Variants in KATNIP observed in about 807,000 individuals in gnomAD.
KATNIP encodes the protein katanin-interacting protein.
In KATNIP, 126 loss-of-function variants were observed where a neutral mutation model predicts 174.0. The observed-to-expected ratio is 0.72, with a 90% confidence interval of 0.63 to 0.84. KATNIP has a LOEUF of 0.84. Among genes scored for constraint, KATNIP ranks in the 40% least tolerant of loss-of-function variants. The pLI, the probability that KATNIP is intolerant of heterozygous loss-of-function variation, is 0.00. For missense variants in KATNIP, 1,958 were observed against 2,109.7 expected, an observed-to-expected ratio of 0.93 and a Z score of 1.41; for synonymous variants, 810 against 835.7, an observed-to-expected ratio of 0.97 and a Z score of 0.53.
At chr16:27,623,083 C>A (rs2076240843) in intron 3 of KATNIP, among the ~76,000 whole-genome samples, 1 of 152,140 alleles carries the variant, frequency 6.6e-6, no homozygotes, top group Admixed American at 6.5e-5. Context: ...CTGTCTTCAC[C>A]CTTCAAGACT....
In KATNIP at chr16:27,710,562, C is replaced by G. The variant is rs539167292; in HGVS notation, c.1605+1642C>G. Among the ~76,000 whole-genome samples, 10 of 152,240 alleles carry G rather than the reference C, an allele frequency of 6.6e-5. No homozygotes were observed. The South Asian group carries it at 2.1e-3, about 32-fold the overall frequency. ...GAGACCTGGGAAGATGTTGTTATTG[C>G]GTGATCATAGCTCACTGCAGCCTCA... On this transcript the variant is annotated intron_variant, in intron 13 of 27. Transcript: ENST00000261588.
intron 8 of KATNIP, among the ~76,000 whole-genome samples, chr16:27,696,106 T>C (rs1237239907): frequency 1.3e-5 from 2 of 152,226 alleles, no homozygotes; most frequent in Non-Finnish European, 2.9e-5. Flanking sequence ...AAAACCATCT[T>C]TCCATTCATG....
In KATNIP at chr16:27,550,169, G is replaced by C. The variant is rs112949559; in HGVS notation, c.-2G>C. 1.9e-6 allele frequency: 3 copies of C among 1,612,356 alleles called. No individual in the cohort carries two copies. Among genetic ancestry groups the C allele is most frequent in the Non-Finnish European group, 2.5e-6 (3 of 1,178,752 alleles). On this transcript the variant is annotated 5_prime_UTR_variant, in exon 1 of 28. Coordinates refer to ENST00000261588, the MANE Select transcript of KATNIP (RefSeq NM_015202.5). The stretch of plus-strand genomic sequence containing the variant: ...GAGCTCCCGGAACCGCCGCCTCTAG[G>C]GATGGACGGTGAGTGTCTGTGGGCC...
At chr16:27,583,105 G>A (rs1173967949) in intron 2 of KATNIP, among the ~76,000 whole-genome samples, 5 of 152,116 alleles carry the variant, frequency 3.3e-5, no homozygotes, top group African/African-American at 4.8e-5. Flanking sequence ...AGACTCCAGT[G>A]CCGAAAAGCA....
At chr16:27,748,676 CG>C (rs1384975947) in intron 15 of KATNIP, among the ~76,000 whole-genome samples, 3 of 151,760 alleles carry the variant, frequency 2.0e-5, no homozygotes, top group African/African-American at 7.3e-5. Flanking sequence ...CCCATGTACT[CG>C]GGGGGCTGAA....
Position 27,777,694 on chromosome 16 carries a change from C to A in KATNIP, c.4636C>A (p.Pro1546Thr), listed in dbSNP as rs1205560989. ...LVGGILPTCE[P>T]TVPYHTILFT... ...GGGGGGCATCCTGCCCACATGTGAG[C>A]CCACCGTGCCCTACCACACCATCCT... The change falls in exon 26 of 28, where the codon CCC (proline) becomes ACC (threonine). Residue 1546 changes from proline to threonine, a missense_variant. Around this residue, in one of 3 missense-constraint regions of KATNIP, gnomAD observed 383 missense variants for 456.0 expected, o/e 0.84. Coordinates refer to ENST00000261588, the MANE Select transcript of KATNIP (RefSeq NM_015202.5). This position sits in a 1 kb window ranked among gnomAD's most constrained non-coding sequence, Gnocchi z 4.4. The A allele has an allele frequency of 6.2e-7, 1 of 1,613,986 alleles. No individual in the cohort carries two copies. The highest frequency in any genetic ancestry group is 8.5e-7 in the Non-Finnish European group (1 of 1,179,970).
At chr16:27,590,717 G>A (rs1194628135) in intron 2 of KATNIP, among the ~76,000 whole-genome samples, 1 of 152,128 alleles carries the variant, frequency 6.6e-6, no homozygotes, top group Non-Finnish European at 1.5e-5. Flanking sequence ...CCTTGGCCTG[G>A]GGCCTTCTCC....
chr16:27,651,233 G>A (rs140666548), intron 6 of KATNIP, among the ~76,000 whole-genome samples: 6 of 152,272 alleles, frequency 3.9e-5, no homozygotes, highest in Non-Finnish European at 5.9e-5. Flanking sequence ...CTGCTGCTCC[G>A]CCAGCACTTA....
chr16:27,777,851 T>A lies in KATNIP; in HGVS notation c.4713-30T>A, dbSNP rs762245887. On this transcript the variant is annotated intron_variant, in intron 26 of 27. Transcript: ENST00000261588. The surrounding 1 kb of genome is among the most constrained non-coding windows in gnomAD (Gnocchi z 4.4). ...CTGGGACACACGGCCAGGAGCCTGA[T>A]CGAATCTTGTGTTTCCTTCCTACCC... The A allele has an allele frequency of 6.2e-7, 1 of 1,613,704 alleles. No individual in the cohort carries two copies. Among genetic ancestry groups the A allele is most frequent in the South Asian group, 1.1e-5 (1 of 91,068 alleles).
At position 27,751,760 on chromosome 16, in the gene KATNIP, G is replaced by A. The variant is rs764671719; in HGVS notation, c.3388G>A (p.Asp1130Asn). The A allele has an allele frequency of 6.2e-7, 1 of 1,614,234 alleles. No individual in the cohort carries two copies. The highest frequency in any genetic ancestry group is 1.1e-5 in the South Asian group (1 of 91,086). The part of the protein sequence containing the change: ...FGDTILFTTD[D>N]DILEAIFYSD... ...AGACACGATCTTATTCACAACCGAT[G>A]ATGACATTCTCGAGGCCATATTCTA... Residue 1130 changes from aspartate (D) to asparagine (N), a missense_variant, in exon 17 of 28, where the codon GAT (aspartate) becomes AAT (asparagine). Physicochemically the swap from Asp to Asn is conservative, Grantham distance 23. This residue lies in a region of KATNIP where 1,557 missense variants were observed against 1,617.8 expected (regional missense o/e 0.96). Coordinates refer to ENST00000261588, the MANE Select transcript of KATNIP (RefSeq NM_015202.5).
intron 23 of KATNIP, among the ~76,000 whole-genome samples, chr16:27,773,829 C>A (rs560909553): frequency 6.6e-6 from 1 of 152,262 alleles, no homozygotes; most frequent in African/African-American, 2.4e-5. Flanking sequence ...CTTAGCCCCC[C>A]ACTCCTCCCA....
intron 21 of KATNIP, among the ~76,000 whole-genome samples, chr16:27,770,801 A>T (rs546926286): frequency 7.9e-5 from 12 of 152,328 alleles, no homozygotes; most frequent in African/African-American, 2.9e-4. Context: ...CGTTTTACAG[A>T]TGTGGGAACT....
chr16:27,554,289 C>T (rs1196071336), intron 1 of KATNIP, among the ~76,000 whole-genome samples: 2 of 152,086 alleles, frequency 1.3e-5, no homozygotes, highest in Non-Finnish European at 1.5e-5. Flanking sequence ...ATGGTGAAAC[C>T]CTGTCTCTAC....
At chr16:27,753,396 C>T (rs1021269342) in intron 17 of KATNIP, among the ~76,000 whole-genome samples, 57 of 152,272 alleles carry the variant, frequency 3.7e-4, no homozygotes, top group African/African-American at 1.3e-3. Flanking sequence ...TTCCAAATGA[C>T]AAAGGTGCTC....
At chr16:27,744,371 T>TA (rs1176214388) in intron 15 of KATNIP, among the ~76,000 whole-genome samples, 5 of 151,616 alleles carry the variant, frequency 3.3e-5, no homozygotes, top group South Asian at 2.1e-4. Flanking sequence ...ACAAAAGTTT[T>TA]AAAAAAAATA....
chr16:27,775,491 C>T (rs776648373), intron 24 of KATNIP, among the ~76,000 whole-genome samples: 1 of 152,244 alleles, frequency 6.6e-6, no homozygotes, highest in Non-Finnish European at 1.5e-5. Context: ...TCCTACATCA[C>T]CAGGTAGATG....
In KATNIP at chr16:27,621,093, G is replaced by A. The variant is rs1567503719; in HGVS notation, c.140+2592G>A. On this transcript the variant is annotated intron_variant, in intron 3 of 27. Coordinates refer to ENST00000261588, the MANE Select transcript of KATNIP (RefSeq NM_015202.5). Reference sequence around the variant, plus strand: ...GCAGGAGGATCGCTTGAGCCCAGAAGTTCAAAACCCCGTCTCTAAAATATT... The same window carrying A: ...GCAGGAGGATCGCTTGAGCCCAGAAATTCAAAACCCCGTCTCTAAAATATT... 2.0e-5 allele frequency among the ~76,000 whole-genome samples: 3 copies of A among 152,186 alleles called. No individual in the cohort carries two copies. In the South Asian group the frequency reaches 6.2e-4, roughly 32 times the overall value.
chr16:27,704,130 C>G lies in KATNIP; in HGVS notation c.1389+132C>G, dbSNP rs145758789. On this transcript the variant is annotated intron_variant, in intron 12 of 27. Transcript: ENST00000261588. ...CTGCCTGTGTTTCCACCGCCCCCCCCCTCCCTGGCACACAGAGGTATATAT... is the reference window on the plus strand; with the variant it reads ...CTGCCTGTGTTTCCACCGCCCCCCCGCTCCCTGGCACACAGAGGTATATAT... 4.0e-4 allele frequency: 273 copies of G among 686,738 alleles called. 3 individuals are homozygous for G. Among genetic ancestry groups the G allele is most frequent in the African/African-American group, 2.2e-3 (124 of 56,226 alleles). 42.5% of individuals were successfully genotyped at this position (686,738 alleles called of 1,614,324 possible).
At chr16:27,754,337 G>A (rs559310934) in intron 18 of KATNIP, 86 bp downstream of exon 18, 15 of 1,157,970 alleles carry the variant, frequency 1.3e-5, no homozygotes, top group South Asian at 6.4e-5. Context: ...ACAGGGTTTC[G>A]CTGGACAATC....
Sources: gnomAD v4.1 joint callset for allele counts (sites outside exome capture counted in the v4.1 genomes callset) on GRCh38, gnomAD v4.1.1 for gene constraint, gnomAD v4.1.1 regional missense constraint, Gnocchi (gnomAD v3.1) non-coding constraint, MANE v1.5 for transcripts, NCBI Gene and HGNC (gene_info 2026-07-23, HGNC 2026-07-21) for gene names.